The following SMURF1 variants were observed in gnomAD, a reference collection of about 807,000 sequenced individuals.
The protein encoded by SMURF1 is SMAD specific E3 ubiquitin protein ligase 1, also known as E3 ubiquitin-protein ligase SMURF1.
Under a neutral mutation model 98.0 loss-of-function variants are expected in SMURF1, and 44 were observed. The ratio of observed to expected loss-of-function variants is 0.45; its 90% CI spans 0.35 to 0.58. The LOEUF (loss-of-function observed/expected upper bound fraction) is 0.58. Ranked by LOEUF, SMURF1 falls within the 20% of genes least tolerant of loss-of-function variation. The pLI is 0.00. For synonymous variants in SMURF1, 396 were observed against 374.9 expected, an observed-to-expected ratio of 1.06 and a Z score of -0.65; for missense variants, 687 against 938.4, an observed-to-expected ratio of 0.73 and a Z score of 3.50.
chr7:99,134,093 CCCACT>C lies in SMURF1; in HGVS notation c.55+9628_55+9632del, dbSNP rs1399082612. Among the ~76,000 whole-genome samples the C allele has an allele frequency of 9.6e-4, 100 of 104,462 alleles. 1 individual carries two copies. In the East Asian group the frequency reaches 0.014, roughly 14 times the overall value. The allele number at this position is 104,462 out of a possible 152,430, so 68.5% of individuals were successfully genotyped here. A position where few individuals can be genotyped will look rare whatever the true frequency, so the allele number is the denominator to read the frequency against. ...CTAGATCAGGAAAAGTGCTTCTCCA[CCCACT>C]TTTTTTTTTTTTTTTTTTTGAGACA... On this transcript the variant is annotated intron_variant, in intron 1 of 17. Coordinates refer to ENST00000361368, the MANE Select transcript of SMURF1 (RefSeq NM_181349.3).
intron 1 of SMURF1, among the ~76,000 whole-genome samples, chr7:99,131,683 C>T (rs1042191305): frequency 6.6e-6 from 1 of 152,114 alleles, no homozygotes; most frequent in African/African-American, 2.4e-5. Flanking sequence ...TGCCATTGTA[C>T]TCCAGCCTGG....
In SMURF1 at chr7:99,052,369, G is replaced by A. The variant is rs755329804; in HGVS notation, c.557C>T (p.Thr186Ile). The A allele has an allele frequency of 8.1e-6, 13 of 1,612,178 alleles. No homozygotes were observed. In the African/African-American group the frequency reaches 1.7e-4, roughly 22 times the overall value. ...MEEPAPYTDS[T>I]GAAAGGGNCR... Reference sequence around the variant, plus strand: ...ATTCCCTCCTCCAGCAGCAGCACCGGTGCTATCTGTGTAAGGGGCTGGTTC... The same window carrying A: ...ATTCCCTCCTCCAGCAGCAGCACCGATGCTATCTGTGTAAGGGGCTGGTTC... The change falls in exon 7 of 18, where the codon ACC becomes ATC. Residue 186 changes from threonine to isoleucine, a missense_variant. Physicochemically the swap from Thr to Ile is moderately conservative, Grantham distance 89. Around this residue, in one of 2 missense-constraint regions of SMURF1, gnomAD observed 415 missense variants for 508.4 expected, o/e 0.82. Coordinates refer to ENST00000361368, the MANE Select transcript of SMURF1 (RefSeq NM_181349.3).
intron 1 of SMURF1, among the ~76,000 whole-genome samples, chr7:99,142,392 TA>T (rs1798142442): frequency 6.6e-6 from 1 of 151,528 alleles, no homozygotes; most frequent in Non-Finnish European, 1.5e-5. Flanking sequence ...GAGTTAAAAG[TA>T]GCTAGCGGTC....
chr7:99,107,062 G>C (rs1797209003), intron 1 of SMURF1, among the ~76,000 whole-genome samples: 1 of 152,158 alleles, frequency 6.6e-6, no homozygotes, highest in Non-Finnish European at 1.5e-5. Flanking sequence ...GTCACCAGAA[G>C]GAACAAGATT....
At chr7:99,110,893 C>G (rs1450265875) in intron 1 of SMURF1, among the ~76,000 whole-genome samples, 1 of 152,162 alleles carries the variant, frequency 6.6e-6, no homozygotes, top group East Asian at 1.9e-4. Flanking sequence ...GAGCGGTCCC[C>G]AGGAAAATAG....
chr7:99,045,516 C>T (rs1199675622), intron 11 of SMURF1, 182 bp downstream of exon 11: 1 of 552,746 alleles, frequency 1.8e-6, no homozygotes, highest in Non-Finnish European at 3.2e-6. Flanking sequence ...CACGAGCATG[C>T]TCGGAGGAAT....
intron 1 of SMURF1, among the ~76,000 whole-genome samples, chr7:99,117,207 T>A (rs1797477650): frequency 6.6e-6 from 1 of 151,926 alleles, no homozygotes; most frequent in African/African-American, 2.4e-5. Context: ...TAAAGATTAA[T>A]TCAGAATAGA....
intron 11 of SMURF1, 73 bp downstream of exon 11, chr7:99,045,625 A>C: frequency 1.5e-6 from 2 of 1,292,170 alleles, no homozygotes; most frequent in Non-Finnish European, 2.2e-6. Flanking sequence ...TGAGCACTGG[A>C]GAAGGGCAAA....
intron 10 of SMURF1, among the ~76,000 whole-genome samples, chr7:99,047,345 C>T (rs1024851021): frequency 7.2e-5 from 11 of 152,180 alleles, no homozygotes; most frequent in Non-Finnish European, 1.0e-4. Flanking sequence ...GTAGACAAGG[C>T]GGTTCCCACT....
chr7:99,076,245 CAA>C (rs887003900), intron 1 of SMURF1, among the ~76,000 whole-genome samples: 3 of 152,156 alleles, frequency 2.0e-5, no homozygotes, highest in African/African-American at 7.2e-5. Context: ...GACTTCCTTC[CAA>C]AGAGTCCAGT....
intron 11 of SMURF1, 80 bp downstream of exon 11, chr7:99,045,618 G>T: frequency 8.5e-7 from 1 of 1,178,732 alleles, no homozygotes; most frequent in Non-Finnish European, 1.3e-6. Flanking sequence ...TTGGTGATGA[G>T]CACTGGAGAA....
chr7:99,111,350 G>A (rs1797319695), intron 1 of SMURF1, among the ~76,000 whole-genome samples: 1 of 152,212 alleles, frequency 6.6e-6, no homozygotes, highest in Non-Finnish European at 1.5e-5. Flanking sequence ...TAGTGTTGAT[G>A]ATGGTATAGA....
At chr7:99,046,778 C>G (rs542846772) in intron 10 of SMURF1, among the ~76,000 whole-genome samples, 37 of 150,068 alleles carry the variant, frequency 2.5e-4, no homozygotes, top group African/African-American at 8.6e-4. Context: ...ACTCTGGCAA[C>G]CCAAGAGGGA....
At chr7:99,099,327 G>C (rs946191537) in intron 1 of SMURF1, among the ~76,000 whole-genome samples, 2 of 151,698 alleles carry the variant, frequency 1.3e-5, no homozygotes, top group Non-Finnish European at 2.9e-5. Flanking sequence ...TTCAATAGTC[G>C]AGGGAGGTTT....
chr7:99,128,311 T>A (rs1474813514), intron 1 of SMURF1, among the ~76,000 whole-genome samples: 1 of 152,198 alleles, frequency 6.6e-6, no homozygotes, highest in African/African-American at 2.4e-5. Context: ...GCTGATGAGG[T>A]TAAGCCATGA....
intron 1 of SMURF1, among the ~76,000 whole-genome samples, chr7:99,084,620 T>C (rs1313910768): frequency 6.6e-6 from 1 of 152,196 alleles, no homozygotes; most frequent in East Asian, 1.9e-4. Flanking sequence ...CTTGGCCTCA[T>C]GATCCACCCA....
intron 1 of SMURF1, among the ~76,000 whole-genome samples, chr7:99,062,097 CTTT>C (rs1013163853): frequency 1.4e-5 from 2 of 145,224 alleles, no homozygotes; most frequent in Non-Finnish European, 3.0e-5. Flanking sequence ...GATCAATATA[CTTT>C]TTTTTTTTTT....
Position 99,035,609 on chromosome 7 carries a change from C to T in SMURF1, c.1917G>A (p.Ala639=), listed in dbSNP as rs200387264. ...DSNIVRWFWQ[A]VETFDEERRA... ...TCCTTTCTTCATCGAACGTCTCCACCGCTTGCCAGAACCACCGCACGATGT... is the reference window on the plus strand; with the variant it reads ...TCCTTTCTTCATCGAACGTCTCCACTGCTTGCCAGAACCACCGCACGATGT... Residue 639 remains alanine (A), a synonymous_variant, in exon 16 of 18, where the codon GCG becomes GCA. Coordinates refer to ENST00000361368, the MANE Select transcript of SMURF1 (RefSeq NM_181349.3). 6.3e-5 allele frequency: 102 copies of T among 1,614,118 alleles called. 2 individuals are homozygous for T. In the South Asian group the frequency reaches 8.3e-4, roughly 13 times the overall value.
At chr7:99,038,333 A>C (rs1353553904) in intron 14 of SMURF1, 55 bp downstream of exon 14, 1 of 1,596,070 alleles carries the variant, frequency 6.3e-7, no homozygotes, top group Non-Finnish European at 8.5e-7. Flanking sequence ...ACAGCAACTA[A>C]ATGCAGGCTC....
Sources: gnomAD v4.1 joint callset for allele counts (sites outside exome capture counted in the v4.1 genomes callset) on GRCh38, gnomAD v4.1.1 for gene constraint, gnomAD v4.1.1 regional missense constraint, MANE v1.5 for transcripts, NCBI Gene and HGNC (gene_info 2026-07-23, HGNC 2026-07-21) for gene names.